The following TMEM145 variants were observed in gnomAD, a reference collection of about 807,000 sequenced individuals.
TMEM145 encodes the protein transmembrane protein 145.
Under a neutral mutation model 68.5 loss-of-function variants are expected in TMEM145, and 46 were observed. The ratio of observed to expected loss-of-function variants is 0.67; its 90% CI spans 0.53 to 0.86. The LOEUF (loss-of-function observed/expected upper bound fraction) is 0.86, where lower values mean the gene tolerates loss of function less well. TMEM145 is among the 40% of genes least tolerant of loss of function. TMEM145 has a pLI of 0.00. For missense variants in TMEM145, 570 were observed against 645.8 expected, an observed-to-expected ratio of 0.88 and a Z score of 1.27; for synonymous variants, 255 against 280.2, an observed-to-expected ratio of 0.91 and a Z score of 0.90.
intron 13 of TMEM145, chr19:42,321,395 T>G (rs1163284267): frequency 1.2e-5 from 4 of 344,848 alleles, no homozygotes; most frequent in South Asian, 1.6e-4. Flanking sequence ...GGTTTTTTTT[T>G]TTTTTTTTTT....
At chr19:42,317,957 A>G in intron 12 of TMEM145, 76 bp downstream of exon 12, 1 of 1,524,232 alleles carries the variant, frequency 6.6e-7, no homozygotes, top group Non-Finnish European at 9.0e-7. Flanking sequence ...CCCATCTCAG[A>G]CCCTCCATAG....
At chr19:42,323,519 A>G (rs1362468210) in intron 13 of TMEM145, 64 bp from the exon 14 acceptor site, 2 of 1,534,476 alleles carry the variant, frequency 1.3e-6, no homozygotes, top group African/African-American at 2.7e-5. Context: ...TCGGACCCCA[A>G]GTTTATGGGG....
At position 42,313,677 on chromosome 19, in the gene TMEM145, G is replaced by A. The variant is rs2038825451; in HGVS notation, c.120+181G>A. Among the ~76,000 whole-genome samples the A allele has an allele frequency of 6.6e-6, 1 of 152,168 alleles. No homozygotes were observed. Among genetic ancestry groups the A allele is most frequent in the South Asian group, 2.1e-4 (1 of 4,834 alleles). On this transcript the variant is annotated intron_variant, in intron 1 of 14. Coordinates refer to ENST00000301204, the MANE Select transcript of TMEM145 (RefSeq NM_173633.3). The surrounding 1 kb of genome is among the most constrained non-coding windows in gnomAD (Gnocchi z 5.1). ...AGTCGAGGCTAAGGGGAGCCGTAGGGTCGCGGCCAGACCTGGGGGTTGTAG... is the reference window on the plus strand; with the variant it reads ...AGTCGAGGCTAAGGGGAGCCGTAGGATCGCGGCCAGACCTGGGGGTTGTAG...
intron 12 of TMEM145, among the ~76,000 whole-genome samples, chr19:42,319,763 T>A (rs2147420391): frequency 6.7e-6 from 1 of 148,626 alleles, no homozygotes; most frequent in East Asian, 2.0e-4. Context: ...TCTTCTTTTT[T>A]TTTTTTTTTT....
chr19:42,314,513 C>G lies in TMEM145; in HGVS notation c.258C>G (p.Tyr86Ter), dbSNP rs1470837027. The G allele has an allele frequency of 6.2e-7, 1 of 1,614,164 alleles. No individual in the cohort carries two copies. The highest frequency in any genetic ancestry group is 1.1e-5 in the South Asian group (1 of 91,080). The change falls in exon 3 of 15, where the codon TAC becomes TAG. Residue 86 changes from tyrosine to a stop codon, truncating the protein, a stop_gained. Coordinates refer to ENST00000301204, the MANE Select transcript of TMEM145 (RefSeq NM_173633.3). LOFTEE classifies it high-confidence loss of function. ...ACCCATCCCAGTGGCCAGCCGTGTACAAGGCAGGGGACAAGGTGAGGGCTG... is the reference window on the plus strand; with the variant it reads ...ACCCATCCCAGTGGCCAGCCGTGTAGAAGGCAGGGGACAAGGTGAGGGCTG... ...FDDPSQWPAVYKAGDKDCLAK... is the reference protein window; with the variant it reads ...FDDPSQWPAV
In TMEM145 at chr19:42,316,642, C is replaced by T; in HGVS notation, c.728-20C>T. On this transcript the variant is annotated intron_variant, in intron 9 of 14. Coordinates refer to ENST00000301204, the MANE Select transcript of TMEM145 (RefSeq NM_173633.3). Reference sequence around the variant, plus strand: ...AGGTCTGAGCCTGGCTCTGAGCCGCCCCCTCCTCCCTTCTCCCAGCCAAGC... The same window carrying T: ...AGGTCTGAGCCTGGCTCTGAGCCGCTCCCTCCTCCCTTCTCCCAGCCAAGC... 6.2e-7 allele frequency: 1 copy of T among 1,613,832 alleles called. No homozygotes were observed. The highest frequency in any genetic ancestry group is 8.5e-7 in the Non-Finnish European group (1 of 1,179,828).
chr19:42,313,331 G>C lies in TMEM145; in HGVS notation c.-46G>C, dbSNP rs951399340. ...CCCGCGCGCTCTCGCCTCCATTGCC[G>C]GGCCAGTGCGGGAGCCGGAGCGGAG... On this transcript the variant is annotated 5_prime_UTR_variant, in exon 1 of 15. Coordinates refer to ENST00000301204, the MANE Select transcript of TMEM145 (RefSeq NM_173633.3). This position sits in a 1 kb window ranked among gnomAD's most constrained non-coding sequence, Gnocchi z 5.1. 91 of 763,210 alleles carry C rather than the reference G, an allele frequency of 1.2e-4. No homozygotes were observed. In the African/African-American group the frequency reaches 1.2e-3, roughly 10 times the overall value. The allele number at this position is 763,210 out of a possible 1,614,324, so 47.3% of individuals were successfully genotyped here. A position where few individuals can be genotyped will look rare whatever the true frequency, so the allele number is the denominator to read the frequency against.
Position 42,320,340 on chromosome 19 carries a change from C to T in TMEM145, c.1097C>T (p.Ala366Val). 3.1e-6 allele frequency: 5 copies of T among 1,614,104 alleles called. No individual in the cohort carries two copies. The South Asian group carries it at 4.4e-5, about 14-fold the overall frequency. Reference sequence around the variant, plus strand: ...AGGTTCTTTGCGGTTCCTGTCATGGCCCTGATTGCCAATTTCGGCATCCCC... The same window carrying T: ...AGGTTCTTTGCGGTTCCTGTCATGGTCCTGATTGCCAATTTCGGCATCCCC... Reference protein sequence around the residue: ...TLWFFAVPVMALIANFGIPKW... With the variant: ...TLWFFAVPVMVLIANFGIPKW... The change falls in exon 13 of 15, where the codon GCC becomes GTC. Residue 366 changes from alanine (A) to valine (V), a missense_variant. Physicochemically the swap from Ala to Val is moderately conservative, Grantham distance 64 (BLOSUM62 0). Coordinates refer to ENST00000301204, the MANE Select transcript of TMEM145 (RefSeq NM_173633.3).
chr19:42,313,363 C>T lies in TMEM145; in HGVS notation c.-14C>T, dbSNP rs2038820953. 6 of 1,074,810 alleles carry T rather than the reference C, an allele frequency of 5.6e-6. No homozygotes were observed. Among genetic ancestry groups the T allele is most frequent in the African/African-American group, 3.3e-5 (2 of 59,934 alleles). The allele number at this position is 1,074,810 out of a possible 1,614,324, so 66.6% of individuals were successfully genotyped here. On this transcript the variant is annotated 5_prime_UTR_variant, in exon 1 of 15. Transcript: ENST00000301204. This position sits in a 1 kb window ranked among gnomAD's most constrained non-coding sequence, Gnocchi z 5.1. ...TGCGGGAGCCGGAGCGGAGCCGGGGCCGGAGCGGGCGGAATGGAGCCCCTG... is the reference window on the plus strand; with the variant it reads ...TGCGGGAGCCGGAGCGGAGCCGGGGTCGGAGCGGGCGGAATGGAGCCCCTG...
intron 13 of TMEM145, 24 bp from the exon 14 acceptor site, chr19:42,323,559 A>T (rs2038930881): frequency 6.2e-7 from 1 of 1,612,302 alleles, no homozygotes; most frequent in Non-Finnish European, 8.5e-7. Context: ...TGCCTCTCAC[A>T]CCTGCTCCTG....
chr19:42,314,368 C>T (rs964146390), intron 2 of TMEM145, 22 bp downstream of exon 2: 2 of 1,614,110 alleles, frequency 1.2e-6, no homozygotes, highest in Middle Eastern at 1.6e-4. Flanking sequence ...CCAACACTCG[C>T]CATGCTGAGG....
Position 42,313,458 on chromosome 19 carries a change from C to G in TMEM145, c.82C>G (p.Arg28Gly), listed in dbSNP as rs757659605. The G allele has an allele frequency of 2.2e-6, 3 of 1,368,136 alleles. No individual in the cohort carries two copies. The highest frequency in any genetic ancestry group is 2.7e-4 in the Middle Eastern group (1 of 3,740). 84.7% of individuals were successfully genotyped at this position (1,368,136 alleles called of 1,614,324 possible). ...LLLLSLPPRA[R>G]AKYVRGNLSS... Reference sequence around the variant, plus strand: ...GCTGCTGTCACTGCCCCCCCGCGCCCGGGCCAAGTACGTGCGGGGCAACCT... The same window carrying G: ...GCTGCTGTCACTGCCCCCCCGCGCCGGGGCCAAGTACGTGCGGGGCAACCT... Residue 28 changes from arginine to glycine, a missense_variant, in exon 1 of 15, where the codon CGG (arginine) becomes GGG (glycine). Transcript: ENST00000301204. The surrounding 1 kb of genome is among the most constrained non-coding windows in gnomAD (Gnocchi z 5.1).
chr19:42,324,847 A>G lies in TMEM145; in HGVS notation c.*30A>G. 1.3e-6 allele frequency: 2 copies of G among 1,514,960 alleles called. No individual in the cohort carries two copies. Among genetic ancestry groups the G allele is most frequent in the South Asian group, 1.3e-5 (1 of 79,448 alleles). The allele number at this position is 1,514,960 out of a possible 1,614,324, so 93.8% of individuals were successfully genotyped here. A position where few individuals can be genotyped will look rare whatever the true frequency, so the allele number is the denominator to read the frequency against. ...GCTGGACTCCGGAACACCCGTGGTG[A>G]CCGCCGGGACCCTGCCTGTGACTCT... is the stretch of plus-strand genomic sequence containing the variant. On this transcript the variant is annotated 3_prime_UTR_variant, in exon 15 of 15. Transcript: ENST00000301204.
rs1414663483 is a variant in TMEM145, at chr19:42,316,499, T to G, written c.665T>G (p.Phe222Cys). The G allele has an allele frequency of 1.9e-6, 3 of 1,614,178 alleles. No individual in the cohort carries two copies. The Admixed American group carries it at 5.0e-5, about 27-fold the overall frequency. The change falls in exon 9 of 15, where the codon TTC becomes TGC. Residue 222 changes from phenylalanine to cysteine, a missense_variant. Coordinates refer to ENST00000301204, the MANE Select transcript of TMEM145 (RefSeq NM_173633.3). ...CCCTCAGTCCTGAGCCTCCTATTTT[T>G]CTGCATCTACTGGGGTCAATATGCC... ...AGVEVLSLLF[F>C]CIYWGQYATD...
At chr19:42,318,000 T>A in intron 12 of TMEM145, 119 bp downstream of exon 12, 1 of 1,144,234 alleles carries the variant, frequency 8.7e-7, no homozygotes, top group Non-Finnish European at 1.3e-6. Flanking sequence ...CAGGCAGCTG[T>A]TGCCCAGAAT....
chr19:42,318,618 C>A (rs1402678588), intron 12 of TMEM145, among the ~76,000 whole-genome samples: 1 of 149,360 alleles, frequency 6.7e-6, no homozygotes, highest in African/African-American at 2.5e-5. Context: ...ACCCGGGAGG[C>A]AGAGGTTGCA....
chr19:42,322,741 C>T (rs767014093), intron 13 of TMEM145, among the ~76,000 whole-genome samples: 10 of 151,626 alleles, frequency 6.6e-5, no homozygotes, highest in African/African-American at 1.7e-4. Context: ...CTTCCTCTGT[C>T]GTCCAGGTTG....
rs2038936984 is a variant in TMEM145 at position 42,323,853 on chromosome 19, C to A, written c.1401+64C>A. 46 of 1,461,984 alleles carry A rather than the reference C, an allele frequency of 3.1e-5. 1 individual carries two copies. The South Asian group carries it at 5.3e-4, about 17-fold the overall frequency. The allele number at this position is 1,461,984 out of a possible 1,614,324, so 90.6% of individuals were successfully genotyped here. On this transcript the variant is annotated intron_variant, in intron 14 of 14. Transcript: ENST00000301204. ...GCCGCCCCTGGAGTACCTGACCCCGCTCCCGGCCCCGCCGCCGCCCCCAGC... is the reference window on the plus strand; with the variant it reads ...GCCGCCCCTGGAGTACCTGACCCCGATCCCGGCCCCGCCGCCGCCCCCAGC...
chr19:42,324,853 G>T lies in TMEM145; in HGVS notation c.*36G>T. ...CTCCGGAACACCCGTGGTGACCGCC[G>T]GGACCCTGCCTGTGACTCTCCAGGA... On this transcript the variant is annotated 3_prime_UTR_variant, in exon 15 of 15. Coordinates refer to ENST00000301204, the MANE Select transcript of TMEM145 (RefSeq NM_173633.3). 6.6e-7 allele frequency: 1 copy of T among 1,512,772 alleles called. No individual in the cohort carries two copies. Among genetic ancestry groups the T allele is most frequent in the East Asian group, 2.6e-5 (1 of 37,940 alleles). The allele number at this position is 1,512,772 out of a possible 1,614,324, so 93.7% of individuals were successfully genotyped here. A position where few individuals can be genotyped will look rare whatever the true frequency, so the allele number is the denominator to read the frequency against.
Sources: gnomAD v4.1 joint callset for allele counts (sites outside exome capture counted in the v4.1 genomes callset) on GRCh38, gnomAD v4.1.1 for gene constraint, Gnocchi (gnomAD v3.1) non-coding constraint, MANE v1.5 for transcripts, NCBI Gene and HGNC (gene_info 2026-07-23, HGNC 2026-07-21) for gene names.